The following MYO3B variants were observed in gnomAD, a reference collection of about 807,000 sequenced individuals.
MYO3B encodes the protein myosin-IIIb.
Under a neutral mutation model 174.6 loss-of-function variants are expected in MYO3B, and 156 were observed. The observed-to-expected ratio is 0.89, with a 90% CI of 0.78 to 1.02. The LOEUF is 1.02. MYO3B is among the 50% of genes least tolerant of loss of function. MYO3B has a pLI of 0.00. For missense variants in MYO3B, 1,632 were observed against 1,639.4 expected, an observed-to-expected ratio of 1.00 and a Z score of 0.08; for synonymous variants, 563 against 569.1, an observed-to-expected ratio of 0.99 and a Z score of 0.15.
At chr2:170,608,682 A>T (rs539280362) in intron 32 of MYO3B, among the ~76,000 whole-genome samples, 14 of 148,960 alleles carry the variant, frequency 9.4e-5, no homozygotes, top group Admixed American at 9.3e-4. Flanking sequence ...AGAGAGAGAG[A>T]GACAGACAGA....
At chr2:170,497,207 C>G (rs559349348) in intron 25 of MYO3B, among the ~76,000 whole-genome samples, 14 of 152,212 alleles carry the variant, frequency 9.2e-5, no homozygotes, top group Non-Finnish European at 1.8e-4. Context: ...AGAGAAGAAT[C>G]TGAACAAACA....
At chr2:170,365,526 A>C (rs2094192007) in intron 8 of MYO3B, among the ~76,000 whole-genome samples, 1 of 152,214 alleles carries the variant, frequency 6.6e-6, no homozygotes, top group Admixed American at 6.5e-5. Context: ...CCTCATATCC[A>C]GTAACGCAGG....
intron 23 of MYO3B, among the ~76,000 whole-genome samples, chr2:170,462,072 A>G (rs1361781366): frequency 6.6e-6 from 1 of 152,208 alleles, no homozygotes; most frequent in African/African-American, 2.4e-5. Context: ...CACGCTCTGC[A>G]GGTGGTGCTG....
chr2:170,618,494 C>G (rs1695611801), intron 32 of MYO3B, among the ~76,000 whole-genome samples: 1 of 151,990 alleles, frequency 6.6e-6, no homozygotes, highest in Admixed American at 6.6e-5. Context: ...TGCTGTGGTG[C>G]TTTTTCAGCA....
rs138418892 is a variant in MYO3B at position 170,367,910 on chromosome 2, A to G, written c.816-1312A>G. On this transcript the variant is annotated intron_variant, in intron 8 of 34. Coordinates refer to ENST00000408978, the MANE Select transcript of MYO3B (RefSeq NM_138995.5). ...GTCCTGCAAGCAGCTGAATGGAGAT[A>G]ATTTAGGTTCCGTTGGCTTTTCTGG... 2.3e-3 allele frequency among the ~76,000 whole-genome samples: 347 copies of G among 152,274 alleles called. 3 individuals are homozygous for G. The highest frequency in any genetic ancestry group is 0.018 in the Admixed American group (272 of 15,288).
chr2:170,475,591 A>G (rs1376057616), intron 25 of MYO3B, among the ~76,000 whole-genome samples: 1 of 152,148 alleles, frequency 6.6e-6, no homozygotes, highest in African/African-American at 2.4e-5. Context: ...CCATACTTTC[A>G]GAATACTAAT....
At position 170,296,956 on chromosome 2, in the gene MYO3B, C is replaced by T. The variant is rs542575468; in HGVS notation, c.750-38429C>T. On this transcript the variant is annotated intron_variant, in intron 7 of 34. Coordinates refer to ENST00000408978, the MANE Select transcript of MYO3B (RefSeq NM_138995.5). ...AGCATCAAAGGAGGTTGGTGTTAAG[C>T]CATGACAAACCGCACCCATGATCCA... 4.5e-4 allele frequency among the ~76,000 whole-genome samples: 68 copies of T among 152,266 alleles called. 1 individual carries two copies. The highest frequency in any genetic ancestry group is 1.5e-3 in the African/African-American group (64 of 41,550).
At chr2:170,360,294 GC>G (rs2105642676) in intron 8 of MYO3B, among the ~76,000 whole-genome samples, 1 of 152,228 alleles carries the variant, frequency 6.6e-6, no homozygotes, top group Non-Finnish European at 1.5e-5. Flanking sequence ...GGGCATTTAA[GC>G]CTGGACTAAG....
Position 170,256,611 on chromosome 2 carries a change from T to A in MYO3B, c.749+20475T>A, listed in dbSNP as rs115060535. The stretch of plus-strand genomic sequence containing the variant: ...TGAAGGAAATTGATTTCCACTAGCC[T>A]GCTACCACAAAAATACTGTTAAGGA... On this transcript the variant is annotated intron_variant, in intron 7 of 34. Coordinates refer to ENST00000408978, the MANE Select transcript of MYO3B (RefSeq NM_138995.5). 5.8e-3 allele frequency among the ~76,000 whole-genome samples: 881 copies of A among 152,266 alleles called. 12 individuals are homozygous for A. The highest frequency in any genetic ancestry group is 0.019 in the African/African-American group (799 of 41,578).
chr2:170,509,014 G>C (rs191517484), intron 28 of MYO3B, among the ~76,000 whole-genome samples: 5 of 137,138 alleles, frequency 3.6e-5, no homozygotes, highest in African/African-American at 1.6e-4. Context: ...CAACTTCACT[G>C]GGGGGGAAAA....
In MYO3B at chr2:170,284,336, A is replaced by G. The variant is rs1056654418; in HGVS notation, c.749+48200A>G. On this transcript the variant is annotated intron_variant, in intron 7 of 34. Transcript: ENST00000408978. ...TAAATATCATTATCAGTTAAACTGTATGACATTCCCTATATTCAAATGTTT... is the reference window on the plus strand; with the variant it reads ...TAAATATCATTATCAGTTAAACTGTGTGACATTCCCTATATTCAAATGTTT... Among the ~76,000 whole-genome samples the G allele has an allele frequency of 8.5e-5, 13 of 152,324 alleles. 1 individual carries two copies. In the South Asian group the frequency reaches 1.0e-3, roughly 12 times the overall value.
chr2:170,574,264 A>G (rs1692647361), intron 32 of MYO3B, among the ~76,000 whole-genome samples: 1 of 152,186 alleles, frequency 6.6e-6, no homozygotes, highest in Admixed American at 6.5e-5. Flanking sequence ...AGATTTAAGT[A>G]TACTTAATTC....
At chr2:170,514,496 G>C (rs1276817727) in intron 28 of MYO3B, among the ~76,000 whole-genome samples, 1 of 152,182 alleles carries the variant, frequency 6.6e-6, no homozygotes. Flanking sequence ...TCCTGGGAGA[G>C]AGCTCACCCT....
intron 25 of MYO3B, among the ~76,000 whole-genome samples, chr2:170,493,978 AC>A (rs1433037625): frequency 6.6e-6 from 1 of 152,230 alleles, no homozygotes; most frequent in Admixed American, 6.5e-5. Flanking sequence ...TGACATCTTG[AC>A]TGTAATCTCA....
intron 32 of MYO3B, among the ~76,000 whole-genome samples, chr2:170,634,003 G>T (rs1167415675): frequency 6.6e-6 from 1 of 152,174 alleles, no homozygotes; most frequent in Non-Finnish European, 1.5e-5. Flanking sequence ...CATGCTCATG[G>T]ATAGGAAGAA....
chr2:170,454,063 C>A (rs777603658), intron 23 of MYO3B, among the ~76,000 whole-genome samples: 8 of 152,182 alleles, frequency 5.3e-5, no homozygotes, highest in Non-Finnish European at 1.2e-4. Flanking sequence ...ATCCATTCCA[C>A]GCATACAAAC....
intron 32 of MYO3B, among the ~76,000 whole-genome samples, chr2:170,601,209 T>A (rs1559149802): frequency 1.3e-5 from 2 of 152,188 alleles, no homozygotes; most frequent in South Asian, 2.1e-4. Flanking sequence ...ACAAAACAGC[T>A]GCCACTTTTT....
At chr2:170,266,443 A>G (rs998515958) in intron 7 of MYO3B, among the ~76,000 whole-genome samples, 2 of 152,198 alleles carry the variant, frequency 1.3e-5, no homozygotes, top group Non-Finnish European at 2.9e-5. Context: ...TTTGTAGGAT[A>G]TCTACTAGAA....
intron 1 of MYO3B, among the ~76,000 whole-genome samples, chr2:170,184,036 G>T: frequency 6.6e-6 from 1 of 150,536 alleles, no homozygotes; most frequent in Non-Finnish European, 1.5e-5. Context: ...TTTTTTCTGT[G>T]GTTTTATGTT....
Sources: allele counts gnomAD v4.1 joint callset (sites outside exome capture counted in the v4.1 genomes callset), GRCh38; gene constraint gnomAD v4.1.1; transcripts MANE v1.5; gene names NCBI Gene and HGNC (gene_info 2026-07-23, HGNC 2026-07-21).